NADK: variants seen among roughly 807,000 people sequenced by gnomAD.
The protein encoded by NADK is poly(P)/ATP NAD kinase.
Under a neutral mutation model 49.8 loss-of-function variants are expected in NADK, and 22 were observed. That is an observed-to-expected ratio of 0.44 (90% CI 0.32 to 0.63). The LOEUF is 0.63. Among genes scored for constraint, NADK ranks in the 30% least tolerant of loss-of-function variants. NADK has a pLI of 0.06. For missense variants in NADK, 438 were observed against 609.4 expected, an observed-to-expected ratio of 0.72 and a Z score of 2.96; for synonymous variants, 268 against 253.7, an observed-to-expected ratio of 1.06 and a Z score of -0.54.
At chr1:1,761,168 C>T (rs534364697) in intron 3 of NADK, among the ~76,000 whole-genome samples, 57 of 152,214 alleles carry the variant, frequency 3.7e-4, no homozygotes, top group African/African-American at 1.3e-3. Context: ...AATTTTTGTA[C>T]TTTTAGTAGA....
intron 1 of NADK, among the ~76,000 whole-genome samples, chr1:1,770,310 A>T (rs568191129): frequency 2.8e-4 from 42 of 152,336 alleles, no homozygotes; most frequent in African/African-American, 9.4e-4. Context: ...ATAACATAAG[A>T]AAAAAATAAA....
At chr1:1,775,782 C>T (rs976456003) in intron 1 of NADK, among the ~76,000 whole-genome samples, 1 of 152,200 alleles carries the variant, frequency 6.6e-6, no homozygotes. Flanking sequence ...CACACACACA[C>T]ATTTTATTCA....
intron 2 of NADK, among the ~76,000 whole-genome samples, chr1:1,764,171 A>G (rs1645815026): frequency 1.3e-5 from 2 of 152,198 alleles, no homozygotes; most frequent in African/African-American, 4.8e-5. Context: ...AGGCTCTCCC[A>G]TCTCACTGGG....
At chr1:1,760,049 C>A in intron 3 of NADK, 6 of 868,186 alleles carry the variant, frequency 6.9e-6, no homozygotes, top group Non-Finnish European at 7.2e-6. Flanking sequence ...ACCCACGTGG[C>A]TGCTGTGCAG....
chr1:1,755,528 C>T (rs1056937285), intron 6 of NADK, 52 bp from the exon 7 acceptor site: 2 of 1,355,340 alleles, frequency 1.5e-6, no homozygotes, highest in South Asian at 1.2e-5. Context: ...ACCCCCGCAC[C>T]ACCCAGCTTT....
intron 4 of NADK, 151 bp from the exon 5 acceptor site, chr1:1,756,759 G>C: frequency 7.6e-7 from 1 of 1,322,434 alleles, no homozygotes; most frequent in Non-Finnish European, 1.1e-6. Flanking sequence ...CATCACCAAC[G>C]CGCCAGGAGG....
At chr1:1,759,534 C>A (rs1452822613) in intron 3 of NADK, among the ~76,000 whole-genome samples, 2 of 152,262 alleles carry the variant, frequency 1.3e-5, no homozygotes, top group Non-Finnish European at 2.9e-5. Context: ...GGGTGCCCTC[C>A]TCACCAGGCG....
chr1:1,767,864 T>C (rs1570564580), intron 1 of NADK, among the ~76,000 whole-genome samples: 2 of 152,140 alleles, frequency 1.3e-5, no homozygotes, highest in South Asian at 4.2e-4. Context: ...TGGCTGAATA[T>C]GGAGGTGGGC....
chr1:1,774,620 G>C (rs530715038), intron 1 of NADK, among the ~76,000 whole-genome samples: 1 of 149,766 alleles, frequency 6.7e-6, no homozygotes, highest in Non-Finnish European at 1.5e-5. Flanking sequence ...GGCCACCATT[G>C]TGCCTCGGCC....
intron 1 of NADK, among the ~76,000 whole-genome samples, chr1:1,775,341 G>A (rs373073318): frequency 6.6e-6 from 1 of 152,106 alleles, no homozygotes; most frequent in Admixed American, 6.5e-5. Flanking sequence ...AAGACTAAAT[G>A]AAAAAGGAAA....
chr1:1,762,621 G>T (rs1645760772), intron 2 of NADK, among the ~76,000 whole-genome samples: 1 of 152,120 alleles, frequency 6.6e-6, no homozygotes, highest in African/African-American at 2.4e-5. Flanking sequence ...GCCAGGCCTG[G>T]TGGCGTGTGC....
Position 1,765,449 on chromosome 1 carries a change from T to A in NADK, c.-40-3A>T. ...TTCGGTCAGAAAAACACTGATGCCT[T>A]AATTTAATAAAATAAATAATGTAAA... On this transcript the variant is annotated splice_region_variant and splice_polypyrimidine_tract_variant and intron_variant, in intron 1 of 11. Coordinates refer to ENST00000341426, the MANE Select transcript of NADK (RefSeq NM_023018.5). 7.7e-7 allele frequency: 1 copy of A among 1,302,620 alleles called. No individual in the cohort carries two copies. The highest frequency in any genetic ancestry group is 1.0e-6 in the Non-Finnish European group (1 of 954,344). The allele number at this position is 1,302,620 out of a possible 1,614,324, so 80.7% of individuals were successfully genotyped here. A position where few individuals can be genotyped will look rare whatever the true frequency, so the allele number is the denominator to read the frequency against.
rs1646278296 is a variant in NADK at position 1,778,412 on chromosome 1, T to G, written c.-164A>C. On this transcript the variant is annotated 5_prime_UTR_variant, in exon 1 of 12. It removes an upstream start codon present in the reference 5' UTR. Coordinates refer to ENST00000341426, the MANE Select transcript of NADK (RefSeq NM_023018.5). This position sits in a 1 kb window ranked among gnomAD's most constrained non-coding sequence, Gnocchi z 4.9. ...GGCGCCCTGGCCGCCTGTTGCCCCATGGCCGCCCGGACCCCGGCGCCGGCG... is the reference window on the plus strand; with the variant it reads ...GGCGCCCTGGCCGCCTGTTGCCCCAGGGCCGCCCGGACCCCGGCGCCGGCG... 6.7e-6 allele frequency: 1 copy of G among 148,708 alleles called. No individual in the cohort carries two copies. Among genetic ancestry groups the G allele is most frequent in the African/African-American group, 2.4e-5 (1 of 41,068 alleles). The allele number at this position is 148,708 out of a possible 1,614,324, so 9.2% of individuals were successfully genotyped here. A position where few individuals can be genotyped will look rare whatever the true frequency, so the allele number is the denominator to read the frequency against.
Position 1,773,553 on chromosome 1 carries a change from C to T in NADK, c.-41+4736G>A, listed in dbSNP as rs186649467. Among the ~76,000 whole-genome samples, 156 of 151,762 alleles carry T rather than the reference C, an allele frequency of 1.0e-3. 1 individual carries two copies. The highest frequency in any genetic ancestry group is 3.6e-3 in the African/African-American group (150 of 41,454). On this transcript the variant is annotated intron_variant, in intron 1 of 11. Transcript: ENST00000341426. ...ATCACCTGAAGCCAGGAATTGGAGACCAGCCTGGGCAACACAGCAAGACCC... is the reference window on the plus strand; with the variant it reads ...ATCACCTGAAGCCAGGAATTGGAGATCAGCCTGGGCAACACAGCAAGACCC...
Position 1,752,769 on chromosome 1 carries a change from C to A in NADK, c.*135G>T, listed in dbSNP as rs1226255394. ...AGCTGATCTGGACAAAAGGCAGACCCAGGCTCTAACCCAGCTACAGAAAGG... is the reference window on the plus strand; with the variant it reads ...AGCTGATCTGGACAAAAGGCAGACCAAGGCTCTAACCCAGCTACAGAAAGG... On this transcript the variant is annotated 3_prime_UTR_variant, in exon 12 of 12. Coordinates refer to ENST00000341426, the MANE Select transcript of NADK (RefSeq NM_023018.5). 1.9e-6 allele frequency: 2 copies of A among 1,056,914 alleles called. No individual in the cohort carries two copies. Among genetic ancestry groups the A allele is most frequent in the Admixed American group, 4.7e-5 (2 of 42,824 alleles). The allele number at this position is 1,056,914 out of a possible 1,614,324, so 65.5% of individuals were successfully genotyped here.
chr1:1,767,877 C>T (rs1645932126), intron 1 of NADK, among the ~76,000 whole-genome samples: 1 of 151,982 alleles, frequency 6.6e-6, no homozygotes, highest in Admixed American at 6.6e-5. Context: ...AGGTGGGCCT[C>T]TAAGAAAGGA....
chr1:1,755,109 G>A (rs905610541), intron 7 of NADK, among the ~76,000 whole-genome samples: 23 of 152,254 alleles, frequency 1.5e-4, no homozygotes, highest in African/African-American at 5.1e-4. Context: ...GTGAGCCACC[G>A]CGCCCGGCCG....
intron 1 of NADK, among the ~76,000 whole-genome samples, chr1:1,774,463 C>G (rs1028657793): frequency 1.4e-4 from 22 of 152,132 alleles, no homozygotes; most frequent in Non-Finnish European, 7.4e-5. Flanking sequence ...CCATGTTGGT[C>G]AGGCTGGTCT....
chr1:1,769,355 T>C (rs1645978382), intron 1 of NADK, among the ~76,000 whole-genome samples: 1 of 152,224 alleles, frequency 6.6e-6, no homozygotes, highest in Non-Finnish European at 1.5e-5. Context: ...GTGACCAGCC[T>C]GGCCAACATG....
Sources: allele counts gnomAD v4.1 joint callset (sites outside exome capture counted in the v4.1 genomes callset), GRCh38; gene constraint gnomAD v4.1.1; non-coding constraint Gnocchi (gnomAD v3.1); transcripts MANE v1.5; gene names NCBI Gene and HGNC (gene_info 2026-07-23, HGNC 2026-07-21).